Variants in STON2 observed in about 807,000 individuals in gnomAD.
STON2 encodes the protein stonin 2.
STON2 carries 29 observed loss-of-function variants against 65.7 expected under a neutral mutation model. That is an observed-to-expected ratio of 0.44 (90% CI 0.33 to 0.60). STON2 has a LOEUF of 0.60. Among genes scored for constraint, STON2 ranks in the 20% least tolerant of loss-of-function variants. The pLI is 0.03. For missense variants in STON2, 1,054 were observed against 1,118.1 expected (o/e 0.94, Z 0.82); for synonymous variants, 404 against 414.2 (o/e 0.98, Z 0.30).
chr14:81,352,303 A>G (rs1334611392), intron 4 of STON2, among the ~76,000 whole-genome samples: 2 of 152,206 alleles, frequency 1.3e-5, no homozygotes, highest in African/African-American at 4.8e-5. Flanking sequence ...CTACGGAAAC[A>G]TCTATGCTTT....
intron 2 of STON2, chr14:81,418,346 C>T (rs1351490334): frequency 6.6e-6 from 1 of 152,112 alleles, no homozygotes; most frequent in East Asian, 1.9e-4. Flanking sequence ...AGACCTGTCC[C>T]CATGATTCAA....
Position 81,286,028 on chromosome 14 carries a change from G to A in STON2, c.743-7289C>T, listed in dbSNP as rs1420715191. 5.2e-5 allele frequency among the ~76,000 whole-genome samples: 6 copies of A among 115,694 alleles called. No individual in the cohort carries two copies. In the East Asian group the frequency reaches 1.3e-3, roughly 25 times the overall value. The allele number at this position is 115,694 out of a possible 152,430, so 75.9% of individuals were successfully genotyped here. A position where few individuals can be genotyped will look rare whatever the true frequency, so the allele number is the denominator to read the frequency against. ...CTGGGCATGGTGGCGGGCACCTGTA[G>A]TCCCAGCCACTCATGAGGCTGAGGG... is the stretch of plus-strand genomic sequence containing the variant. On this transcript the variant is annotated intron_variant, in intron 5 of 7. Coordinates refer to ENST00000614646, the MANE Select transcript of STON2 (RefSeq NM_001394390.1).
chr14:81,350,775 T>A (rs1216162752), intron 4 of STON2, among the ~76,000 whole-genome samples: 2 of 152,200 alleles, frequency 1.3e-5, no homozygotes, highest in Non-Finnish European at 2.9e-5. Flanking sequence ...GGCTTTGGGG[T>A]TAATAAAGTA....
rs961148334 is a variant in STON2, at chr14:81,296,066, C to T, written c.743-17327G>A. Among the ~76,000 whole-genome samples the T allele has an allele frequency of 2.6e-5, 4 of 152,274 alleles. No homozygotes were observed. In the South Asian group the frequency reaches 8.3e-4, roughly 32 times the overall value. On this transcript the variant is annotated intron_variant, in intron 5 of 7. Transcript: ENST00000614646. The stretch of plus-strand genomic sequence containing the variant: ...TCCGTAGTATTTTGGGATGAGAATT[C>T]TCATAGGACAATATTCAAAACAGGC...
chr14:81,286,043 G>A (rs957767253), intron 5 of STON2, among the ~76,000 whole-genome samples: 6 of 152,180 alleles, frequency 3.9e-5, no homozygotes, highest in African/African-American at 1.4e-4. Flanking sequence ...AGCCACTCAT[G>A]AGGCTGAGGG....
At chr14:81,331,555 C>T (rs1305438028) in intron 4 of STON2, among the ~76,000 whole-genome samples, 1 of 152,210 alleles carries the variant, frequency 6.6e-6, no homozygotes, top group African/African-American at 2.4e-5. Context: ...AGACCCTAGA[C>T]ATTTTCCTCC....
rs976059989 is a variant in STON2, at chr14:81,266,137, T to C, written c.*2277A>G. On this transcript the variant is annotated 3_prime_UTR_variant, in exon 8 of 8. Transcript: ENST00000614646. ...CTTATTACTATTGAGACTAAACCTA[T>C]ATTTAGAAGGAATCTTGGTAGACAT... The C allele has an allele frequency of 2.0e-6, 2 of 976,626 alleles. No individual in the cohort carries two copies. The highest frequency in any genetic ancestry group is 2.4e-6 in the Non-Finnish European group (2 of 821,930). 60.5% of individuals were successfully genotyped at this position (976,626 alleles called of 1,614,324 possible).
intron 4 of STON2, among the ~76,000 whole-genome samples, chr14:81,343,656 A>G (rs1897701360): frequency 6.6e-6 from 1 of 152,150 alleles, no homozygotes; most frequent in Admixed American, 6.5e-5. Flanking sequence ...CTACAACCTT[A>G]AAAAATTTTC....
intron 5 of STON2, among the ~76,000 whole-genome samples, chr14:81,307,185 T>C (rs927714196): frequency 6.6e-6 from 1 of 152,164 alleles, no homozygotes; most frequent in East Asian, 1.9e-4. Context: ...AGAAAGAAAT[T>C]ACACCTTCAA....
intron 4 of STON2, among the ~76,000 whole-genome samples, chr14:81,324,774 T>C (rs1389232160): frequency 6.6e-6 from 1 of 152,250 alleles, no homozygotes; most frequent in African/African-American, 2.4e-5. Flanking sequence ...CAAGAACTTA[T>C]TTGATAGCCT....
intron 5 of STON2, among the ~76,000 whole-genome samples, chr14:81,295,423 T>C (rs1290169617): frequency 6.6e-6 from 1 of 152,268 alleles, no homozygotes; most frequent in Admixed American, 6.5e-5. Flanking sequence ...AACTTGTCTA[T>C]ACCAACTATG....
chr14:81,265,840 A>C lies in STON2; in HGVS notation c.*2574T>G. The C allele has an allele frequency of 6.1e-6, 6 of 985,372 alleles. No individual in the cohort carries two copies. The highest frequency in any genetic ancestry group is 7.2e-6 in the Non-Finnish European group (6 of 829,920). The allele number at this position is 985,372 out of a possible 1,614,324, so 61.0% of individuals were successfully genotyped here. ...GCGGGGAAATAAGCTCCAACAAGCA[A>C]TCCACATGTTATGCTAGCAGATGAG... On this transcript the variant is annotated 3_prime_UTR_variant, in exon 8 of 8. Transcript: ENST00000614646.
rs554822529 is a variant in STON2 at position 81,389,204 on chromosome 14, G to T, written c.373+6690C>A. On this transcript the variant is annotated intron_variant, in intron 3 of 7. Transcript: ENST00000614646. Reference sequence around the variant, plus strand: ...TATAGGAAAGAGTCAGTTTGCTCCAGTGATGCTGATGTGATTGGGAAAAGG... The same window carrying T: ...TATAGGAAAGAGTCAGTTTGCTCCATTGATGCTGATGTGATTGGGAAAAGG... Among the ~76,000 whole-genome samples the T allele has an allele frequency of 2.0e-5, 3 of 152,348 alleles. No homozygotes were observed. The South Asian group carries it at 6.2e-4, about 32-fold the overall frequency.
chr14:81,353,901 G>A (rs56201423), intron 4 of STON2, among the ~76,000 whole-genome samples: 2,800 of 152,252 alleles, frequency 0.018, 45 homozygotes, highest in South Asian at 0.075. Flanking sequence ...CATAGCCCAC[G>A]GACAAAGCTG....
chr14:81,414,245 T>G (rs1283696786), intron 2 of STON2, among the ~76,000 whole-genome samples: 2 of 98,188 alleles, frequency 2.0e-5, no homozygotes, highest in Non-Finnish European at 3.7e-5. Flanking sequence ...CCAAGAGAGA[T>G]GTCAACTAGG....
chr14:81,262,142 CCTCA>C lies in STON2; in HGVS notation c.*6268_*6271del. The C allele has an allele frequency of 1.0e-6, 1 of 985,214 alleles. No individual in the cohort carries two copies. The allele number at this position is 985,214 out of a possible 1,614,324, so 61.0% of individuals were successfully genotyped here. ...CTTGAAGAAACAATTAATCCAACTT[CCTCA>C]CTTTTTTGTCTCAGGAAACTGAAGC... On this transcript the variant is annotated 3_prime_UTR_variant, in exon 8 of 8. Coordinates refer to ENST00000614646, the MANE Select transcript of STON2 (RefSeq NM_001394390.1).
chr14:81,347,509 AT>A (rs1897852453), intron 4 of STON2, among the ~76,000 whole-genome samples: 1 of 151,890 alleles, frequency 6.6e-6, no homozygotes, highest in Non-Finnish European at 1.5e-5. Context: ...AAGAATTAAC[AT>A]CAATTCTTCT....
At chr14:81,305,168 CAT>C (rs1353813598) in intron 5 of STON2, among the ~76,000 whole-genome samples, 3 of 152,156 alleles carry the variant, frequency 2.0e-5, no homozygotes, top group Non-Finnish European at 4.4e-5. Context: ...ACAATTTATC[CAT>C]GTTAGTGTCG....
In STON2 at chr14:81,261,937, GAAATGAT is replaced by G. The variant is rs1894162403; in HGVS notation, c.*6470_*6476del. 3.0e-6 allele frequency: 4 copies of G among 1,343,608 alleles called. No individual in the cohort carries two copies. In the South Asian group the frequency reaches 7.2e-5, roughly 24 times the overall value. 83.2% of individuals were successfully genotyped at this position (1,343,608 alleles called of 1,614,324 possible). A position where few individuals can be genotyped will look rare whatever the true frequency, so the allele number is the denominator to read the frequency against. The stretch of plus-strand genomic sequence containing the variant: ...AGGTTGTCTGTTTCTGTTGTCTGGG[GAAATGAT>G]AAAAAAAAAAAAAAAAAAGAGAGAG... On this transcript the variant is annotated 3_prime_UTR_variant, in exon 8 of 8. Transcript: ENST00000614646.
Sources: gnomAD v4.1 joint callset for allele counts (sites outside exome capture counted in the v4.1 genomes callset) on GRCh38, gnomAD v4.1.1 for gene constraint, MANE v1.5 for transcripts, NCBI Gene and HGNC (gene_info 2026-07-23, HGNC 2026-07-21) for gene names.